The following KIF16B variants were observed in gnomAD, a reference collection of about 807,000 sequenced individuals.
KIF16B encodes the protein kinesin-like protein KIF16B.
KIF16B carries 98 observed loss-of-function variants against 156.3 expected under a neutral mutation model. The observed-to-expected ratio is 0.63, with a 90% confidence interval of 0.53 to 0.74. KIF16B has a LOEUF of 0.74. Among genes scored for constraint, KIF16B ranks in the 30% least tolerant of loss-of-function variants. The pLI, the probability that KIF16B is intolerant of heterozygous loss-of-function variation, is 0.00. For synonymous variants in KIF16B, 564 were observed against 583.7 expected (o/e 0.97, Z 0.49); for missense variants, 1,421 against 1,606.5 (o/e 0.88, Z 1.97).
chr20:16,273,279 C>G lies in KIF16B; in HGVS notation c.3928G>C (p.Asp1310His), dbSNP rs780847515. 3 of 1,614,090 alleles carry G rather than the reference C, an allele frequency of 1.9e-6. No homozygotes were observed. The South Asian group carries it at 3.3e-5, about 18-fold the overall frequency. The change falls in exon 26 of 26, where the codon GAC becomes CAC. Residue 1310 changes from aspartate to histidine, a missense_variant. Coordinates refer to ENST00000354981, the MANE Select transcript of KIF16B (RefSeq NM_024704.5). ...TACCCCGTCCCGTGGCTGCTGTAGT[C>G]AAAGACTCCTTTCTTGAAGAATGGT... is the stretch of plus-strand genomic sequence containing the variant. ...FSPFFKKGVFDYSSHGTG is the reference protein window; with the variant it reads ...FSPFFKKGVFHYSSHGTG
intron 23 of KIF16B, among the ~76,000 whole-genome samples, chr20:16,341,586 G>A (rs1410304949): frequency 1.3e-5 from 2 of 152,328 alleles, no homozygotes; most frequent in East Asian, 3.9e-4. Context: ...CTCACATACA[G>A]ACCTCAATGA....
intron 17 of KIF16B, among the ~76,000 whole-genome samples, chr20:16,385,360 T>G (rs1348600403): frequency 6.6e-6 from 1 of 151,902 alleles, no homozygotes; most frequent in Admixed American, 6.6e-5. Context: ...GTAGGGGTGG[T>G]AAAGAGAAAG....
chr20:16,381,287 A>T (rs2065087504), intron 18 of KIF16B, among the ~76,000 whole-genome samples: 1 of 152,178 alleles, frequency 6.6e-6, no homozygotes, highest in African/African-American at 2.4e-5. Context: ...AATATCAGGA[A>T]AGATGTTTTA....
intron 24 of KIF16B, 74 bp from the exon 25 acceptor site, chr20:16,312,492 T>C: frequency 9.0e-7 from 1 of 1,111,154 alleles, no homozygotes; most frequent in Non-Finnish European, 1.3e-6. Context: ...AATCTATTAT[T>C]TGAAATCTCT....
intron 12 of KIF16B, among the ~76,000 whole-genome samples, chr20:16,470,014 T>C (rs1568571441): frequency 6.6e-6 from 1 of 151,906 alleles, no homozygotes; most frequent in Non-Finnish European, 1.5e-5. Flanking sequence ...TAAAAAGAAA[T>C]GAGTTATTAA....
rs57114751 is a variant in KIF16B, at chr20:16,469,254, T to TAAAAAAAA, written c.1302+25029_1302+25036dup. Among the ~76,000 whole-genome samples the TAAAAAAAA allele has an allele frequency of 7.3e-4, 48 of 66,070 alleles. 2 individuals carry two copies. Among genetic ancestry groups the TAAAAAAAA allele is most frequent in the Non-Finnish European group, 8.0e-4 (27 of 33,734 alleles). 43.3% of individuals were successfully genotyped at this position (66,070 alleles called of 152,430 possible). A position where few individuals can be genotyped will look rare whatever the true frequency, so the allele number is the denominator to read the frequency against. On this transcript the variant is annotated intron_variant, in intron 12 of 25. Transcript: ENST00000354981. ...GGTGACAGAGCAGGACCCTGTGTCT[T>TAAAAAAAA]AAAAAAAAAAAAAAAAAAAAAAAAA... is the stretch of plus-strand genomic sequence containing the variant.
chr20:16,515,544 G>C lies in KIF16B; in HGVS notation c.348+4C>G. 6.8e-7 allele frequency: 1 copy of C among 1,468,114 alleles called. No individual in the cohort carries two copies. Among genetic ancestry groups the C allele is most frequent in the Non-Finnish European group, 9.5e-7 (1 of 1,047,258 alleles). 90.9% of individuals were successfully genotyped at this position (1,468,114 alleles called of 1,614,324 possible). A position where few individuals can be genotyped will look rare whatever the true frequency, so the allele number is the denominator to read the frequency against. ...TTCCTTCCCACACAGTATAAACAAC[G>C]TACAGAATTTCCCATCATAGTGTAT... On this transcript the variant is annotated splice_donor_region_variant and intron_variant, in intron 4 of 25. Transcript: ENST00000354981.
chr20:16,484,871 G>A (rs2068073153), intron 12 of KIF16B, among the ~76,000 whole-genome samples: 2 of 152,148 alleles, frequency 1.3e-5, no homozygotes, highest in African/African-American at 4.8e-5. Flanking sequence ...GCAAACCACT[G>A]GGGCTAGCAG....
intron 12 of KIF16B, among the ~76,000 whole-genome samples, chr20:16,475,661 T>C (rs2067789937): frequency 6.6e-6 from 1 of 152,174 alleles, no homozygotes; most frequent in Non-Finnish European, 1.5e-5. Flanking sequence ...ATTTTAATTC[T>C]CTTAAGAACT....
At chr20:16,350,066 C>T (rs2064306634) in intron 23 of KIF16B, among the ~76,000 whole-genome samples, 1 of 152,262 alleles carries the variant, frequency 6.6e-6, no homozygotes, top group Non-Finnish European at 1.5e-5. Context: ...TCTCAGGCCA[C>T]TGATCAGGAG....
intron 12 of KIF16B, among the ~76,000 whole-genome samples, chr20:16,458,626 A>G (rs1415598798): frequency 6.6e-6 from 1 of 152,164 alleles, no homozygotes; most frequent in African/African-American, 2.4e-5. Context: ...CAAAATGCCA[A>G]TTTCTAGTCA....
intron 24 of KIF16B, among the ~76,000 whole-genome samples, chr20:16,315,441 C>T (rs529363395): frequency 3.3e-5 from 5 of 152,200 alleles, no homozygotes; most frequent in African/African-American, 9.6e-5. Context: ...CCAGGCCTCT[C>T]GGGATAAAGC....
At chr20:16,529,352 G>GT (rs1441988423) in intron 1 of KIF16B, among the ~76,000 whole-genome samples, 1 of 152,146 alleles carries the variant, frequency 6.6e-6, no homozygotes, top group Non-Finnish European at 1.5e-5. Context: ...TAATTTAGAA[G>GT]TAAGTTGAAG....
intron 24 of KIF16B, among the ~76,000 whole-genome samples, chr20:16,334,160 T>C (rs1457953320): frequency 6.6e-6 from 1 of 152,228 alleles, no homozygotes; most frequent in Non-Finnish European, 1.5e-5. Context: ...TGTGTGTATA[T>C]AAAGTCTGAG....
chr20:16,354,818 T>G (rs1375291219), intron 23 of KIF16B, among the ~76,000 whole-genome samples: 1 of 152,196 alleles, frequency 6.6e-6, no homozygotes, highest in South Asian at 2.1e-4. Flanking sequence ...TGGTGGCACA[T>G]GCCTGTAATC....
intron 1 of KIF16B, among the ~76,000 whole-genome samples, chr20:16,563,051 C>T (rs1310365656): frequency 1.3e-5 from 2 of 152,216 alleles, no homozygotes; most frequent in African/African-American, 2.4e-5. Flanking sequence ...TTAAATTCTA[C>T]ATATCCCACT....
intron 24 of KIF16B, among the ~76,000 whole-genome samples, chr20:16,324,764 TAGAG>T (rs2063819088): frequency 6.6e-6 from 1 of 151,982 alleles, no homozygotes; most frequent in Admixed American, 6.6e-5. Flanking sequence ...TTCCAAAAGA[TAGAG>T]AAAGAGGGAA....
At chr20:16,278,957 G>C (rs1429137118) in intron 25 of KIF16B, among the ~76,000 whole-genome samples, 2 of 152,150 alleles carry the variant, frequency 1.3e-5, no homozygotes, top group Non-Finnish European at 2.9e-5. Flanking sequence ...AGCAGGCACT[G>C]GTTCTTCAGA....
chr20:16,277,243 A>C (rs1276299345), intron 25 of KIF16B, among the ~76,000 whole-genome samples: 1 of 152,058 alleles, frequency 6.6e-6, no homozygotes, highest in Non-Finnish European at 1.5e-5. Context: ...TCTGAACAAA[A>C]CCACCGATTG....
Sources: allele counts gnomAD v4.1 joint callset (sites outside exome capture counted in the v4.1 genomes callset), GRCh38; gene constraint gnomAD v4.1.1; transcripts MANE v1.5; gene names NCBI Gene and HGNC (gene_info 2026-07-23, HGNC 2026-07-21).